SAMD9: variants seen among roughly 807,000 people sequenced by gnomAD.
The protein encoded by SAMD9 is sterile alpha motif domain containing 9.
Under a neutral mutation model 1.5 loss-of-function variants are expected in SAMD9, and 3 were observed. The observed-to-expected ratio is 2.05, with a 90% confidence interval of 0.93 to 5.29. The LOEUF (loss-of-function observed/expected upper bound fraction) is 5.29, where lower values mean the gene tolerates loss of function less well. SAMD9 is among the 30% of genes most tolerant of loss of function. The pLI is 0.02. For synonymous variants in SAMD9, 635 were observed against 631.9 expected (o/e 1.00, Z -0.07); for missense variants, 1,597 against 1,820.8 (o/e 0.88, Z 2.24).
At chr7:93,111,580 A>T (rs1791744826) in intron 2 of SAMD9, among the ~76,000 whole-genome samples, 1 of 152,228 alleles carries the variant, frequency 6.6e-6, no homozygotes, top group African/African-American at 2.4e-5. Flanking sequence ...TAAAGAAGAA[A>T]AGAGAGAAGA....
At position 93,100,350 on chromosome 7, in the gene SAMD9, G is replaced by A. The variant is rs967175727; in HGVS notation, c.*978C>T. 1 of 152,120 alleles carries A rather than the reference G, an allele frequency of 6.6e-6. No homozygotes were observed. Among genetic ancestry groups the A allele is most frequent in the Admixed American group, 6.6e-5 (1 of 15,260 alleles). 9.4% of individuals were successfully genotyped at this position (152,120 alleles called of 1,614,324 possible). On this transcript the variant is annotated 3_prime_UTR_variant, in exon 3 of 3. Coordinates refer to ENST00000379958, the MANE Select transcript of SAMD9 (RefSeq NM_017654.4). ...CCTATAGTACTTCCAGGCCCATAAT[G>A]TCTGGTCTTCCTCTGTGATGTTAAT...
intron 2 of SAMD9, among the ~76,000 whole-genome samples, chr7:93,113,033 A>T (rs1387951267): frequency 6.6e-6 from 1 of 152,206 alleles, no homozygotes; most frequent in African/African-American, 2.4e-5. Context: ...TGGAGGCATC[A>T]TGCTACCTGA....
At position 93,105,292 on chromosome 7, in the gene SAMD9, T is replaced by C. The variant is rs1383324395; in HGVS notation, c.806A>G (p.Asn269Ser). The C allele has an allele frequency of 1.2e-6, 2 of 1,613,872 alleles. No individual in the cohort carries two copies. Among genetic ancestry groups the C allele is most frequent in the Non-Finnish European group, 1.7e-6 (2 of 1,179,950 alleles). The change falls in exon 3 of 3, where the codon AAC becomes AGC. Residue 269 changes from asparagine (N) to serine (S), a missense_variant. By Grantham distance (46) the Asn-to-Ser change is conservative. Around this residue, in one of 6 missense-constraint regions of SAMD9, gnomAD observed 498 missense variants for 457.4 expected, o/e 1.09. Coordinates refer to ENST00000379958, the MANE Select transcript of SAMD9 (RefSeq NM_017654.4). ...GACTTGATGGTCTTCAAAATACTTGTTTATCATCAGATTGAAATGGTTAAT... is the reference window on the plus strand; with the variant it reads ...GACTTGATGGTCTTCAAAATACTTGCTTATCATCAGATTGAAATGGTTAAT... ...ALINHFNLMI[N>S]KYFEDHQVQQ...
rs149043237 is a variant in SAMD9 at position 93,101,581 on chromosome 7, G to C, written c.4517C>G (p.Pro1506Arg). The C allele has an allele frequency of 3.1e-6, 5 of 1,613,764 alleles. No homozygotes were observed. Among genetic ancestry groups the C allele is most frequent in the Middle Eastern group, 1.6e-4 (1 of 6,062 alleles). The change falls in exon 3 of 3, where the codon CCA becomes CGA. Residue 1506 changes from proline to arginine, a missense_variant. Pro to Arg is a moderately radical substitution (Grantham distance 103, BLOSUM62 -2). Transcript: ENST00000379958. Reference protein sequence around the residue: ...GKIDQCFKKTPDINSLWQSGD... With the variant: ...GKIDQCFKKTRDINSLWQSGD... ...ACTCTGCCACAAGGAATTAATATCT[G>C]GTGTCTTCTTAAAGCACTGGTCAAT... is the stretch of plus-strand genomic sequence containing the variant.
At position 93,105,575 on chromosome 7, in the gene SAMD9, A is replaced by G. The variant is rs1184456364; in HGVS notation, c.523T>C (p.Tyr175His). 6.2e-7 allele frequency: 1 copy of G among 1,614,126 alleles called. No homozygotes were observed. The highest frequency in any genetic ancestry group is 2.2e-5 in the East Asian group (1 of 44,858). ...PFDEFSNPYR[Y>H]KLDFSLQPET... is the part of the protein sequence containing the mutation. ...GGCTGTAGACTAAAATCCAACTTGT[A>G]ACGATATGGATTACTGAATTCATCA... is the stretch of plus-strand genomic sequence containing the variant. The change falls in exon 3 of 3, where the codon TAC becomes CAC. Residue 175 changes from tyrosine (Y) to histidine (H), a missense_variant. This residue lies in a region of SAMD9 where 498 missense variants were observed against 457.4 expected (regional missense o/e 1.09). Transcript: ENST00000379958.
In SAMD9 at chr7:93,101,876, C is replaced by A. The variant is rs1421477770; in HGVS notation, c.4222G>T (p.Val1408Phe). 2 of 1,613,812 alleles carry A rather than the reference C, an allele frequency of 1.2e-6. No individual in the cohort carries two copies. The highest frequency in any genetic ancestry group is 1.7e-5 in the Admixed American group (1 of 60,004). The stretch of plus-strand genomic sequence containing the variant: ...CGAAGCTGATCTTTTAGTTTTTCAA[C>A]TGGCTTTACTAATCTGGAGGTAGGT... ...IQPTSRLVKP[V>F]EKLKDQLREV... Residue 1408 changes from valine (V) to phenylalanine (F), a missense_variant, in exon 3 of 3, where the codon GTT (valine) becomes TTT (phenylalanine). Physicochemically the swap from Val to Phe is conservative, Grantham distance 50. Around this residue, in one of 6 missense-constraint regions of SAMD9, gnomAD observed 682 missense variants for 810.0 expected, o/e 0.84. Transcript: ENST00000379958.
Position 93,104,631 on chromosome 7 carries a change from G to T in SAMD9, c.1467C>A (p.Pro489=), listed in dbSNP as rs1486089813. ...TISTLNLYHQ[P]SWIFCNGRLD... ...ACCTGCCATTGCAGAAAATCCAGCT[G>T]GGTTGATGGTAAAGATTTAGAGTAG... is the stretch of plus-strand genomic sequence containing the variant. Residue 489 remains proline (P), a synonymous_variant, in exon 3 of 3, where the codon CCC becomes CCA. Coordinates refer to ENST00000379958, the MANE Select transcript of SAMD9 (RefSeq NM_017654.4). 6.2e-7 allele frequency: 1 copy of T among 1,613,998 alleles called. No homozygotes were observed. The highest frequency in any genetic ancestry group is 2.2e-5 in the East Asian group (1 of 44,872).
Position 93,101,246 on chromosome 7 carries a change from G to C in SAMD9, c.*82C>G, listed in dbSNP as rs1010185190. The C allele has an allele frequency of 9.5e-7, 1 of 1,055,288 alleles. No homozygotes were observed. Among genetic ancestry groups the C allele is most frequent in the Non-Finnish European group, 1.5e-6 (1 of 682,568 alleles). The allele number at this position is 1,055,288 out of a possible 1,614,324, so 65.4% of individuals were successfully genotyped here. A position where few individuals can be genotyped will look rare whatever the true frequency, so the allele number is the denominator to read the frequency against. On this transcript the variant is annotated 3_prime_UTR_variant, in exon 3 of 3. Coordinates refer to ENST00000379958, the MANE Select transcript of SAMD9 (RefSeq NM_017654.4). The stretch of plus-strand genomic sequence containing the variant: ...AGCTAGAGGCTGTATCTATAACCTT[G>C]CCGGTTTAAAGCATAGATCTTGAGT...
At position 93,101,173 on chromosome 7, in the gene SAMD9, C is replaced by T; in HGVS notation, c.*155G>A. 2.9e-6 allele frequency: 2 copies of T among 694,826 alleles called. No homozygotes were observed. Among genetic ancestry groups the T allele is most frequent in the East Asian group, 5.0e-5 (2 of 40,290 alleles). 43.0% of individuals were successfully genotyped at this position (694,826 alleles called of 1,614,324 possible). On this transcript the variant is annotated 3_prime_UTR_variant, in exon 3 of 3. Transcript: ENST00000379958. Reference sequence around the variant, plus strand: ...TTTTCACTATTGTCTTTGTAGAACTCATAACATGTTTAAGAGGAAATTAAA... The same window carrying T: ...TTTTCACTATTGTCTTTGTAGAACTTATAACATGTTTAAGAGGAAATTAAA...
chr7:93,112,071 A>G (rs975937725), intron 2 of SAMD9, among the ~76,000 whole-genome samples: 2 of 152,208 alleles, frequency 1.3e-5, no homozygotes, highest in Non-Finnish European at 2.9e-5. Context: ...ATATTGGCAA[A>G]CCGAATCCAG....
At chr7:93,113,489 A>G (rs1162054362) in intron 2 of SAMD9, among the ~76,000 whole-genome samples, 1 of 152,244 alleles carries the variant, frequency 6.6e-6, no homozygotes, top group Non-Finnish European at 1.5e-5. Context: ...TGCACAGCAA[A>G]AGAAACTATC....
Position 93,104,640 on chromosome 7 carries a change from G to C in SAMD9, c.1458C>G (p.Tyr486Ter). The change falls in exon 3 of 3, where the codon TAC (tyrosine) becomes TAG (stop). Residue 486 changes from tyrosine (Y) to a stop codon, truncating the protein, a stop_gained. Transcript: ENST00000379958. LOFTEE classifies it low-confidence loss of function (END_TRUNC). ...TGCAGAAAATCCAGCTGGGTTGATG[G>C]TAAAGATTTAGAGTAGAAATCGTCT... Reference protein sequence around the residue: ...PNETISTLNLYHQPSWIFCNG... With the variant: ...PNETISTLNL 1 of 1,614,068 alleles carries C rather than the reference G, an allele frequency of 6.2e-7. No individual in the cohort carries two copies. Among genetic ancestry groups the C allele is most frequent in the Non-Finnish European group, 8.5e-7 (1 of 1,179,934 alleles).
At position 93,104,561 on chromosome 7, in the gene SAMD9, A is replaced by G. The variant is rs1270749216; in HGVS notation, c.1537T>C (p.Trp513Arg). The part of the protein sequence containing the change: ...EKYKPFDPSS[W>R]QRERASDVRK... ...ACATCAGAAGCTCTTTCTCTTTGCCAGGAACTTGGATCAAAGGGTTTATAT... is the reference window on the plus strand; with the variant it reads ...ACATCAGAAGCTCTTTCTCTTTGCCGGGAACTTGGATCAAAGGGTTTATAT... Residue 513 changes from tryptophan to arginine, a missense_variant, in exon 3 of 3, where the codon TGG becomes CGG. By Grantham distance (101) the Trp-to-Arg change is moderately radical. This residue lies in a region of SAMD9 where 358 missense variants were observed against 460.4 expected (regional missense o/e 0.78). Coordinates refer to ENST00000379958, the MANE Select transcript of SAMD9 (RefSeq NM_017654.4). 2 of 1,613,946 alleles carry G rather than the reference A, an allele frequency of 1.2e-6. No homozygotes were observed. Among genetic ancestry groups the G allele is most frequent in the South Asian group, 1.1e-5 (1 of 91,090 alleles).
chr7:93,102,276 G>A lies in SAMD9; in HGVS notation c.3822C>T (p.Tyr1274=), dbSNP rs768168544. ...LKKSFDFFDE[Y]FVLLKPRNNI... ...TGTTCCTGGGTTTTAGCAGGACAAA[G>A]TATTCATCAAAAAAATCAAAGGACT... The change falls in exon 3 of 3, where the codon TAC becomes TAT. Residue 1274 remains tyrosine, a synonymous_variant. Coordinates refer to ENST00000379958, the MANE Select transcript of SAMD9 (RefSeq NM_017654.4). The A allele has an allele frequency of 3.1e-6, 5 of 1,612,606 alleles. No homozygotes were observed. The South Asian group carries it at 4.4e-5, about 14-fold the overall frequency.
At chr7:93,115,504 G>C (rs1562780096) in intron 1 of SAMD9, among the ~76,000 whole-genome samples, 1 of 152,170 alleles carries the variant, frequency 6.6e-6, no homozygotes, top group African/African-American at 2.4e-5. Flanking sequence ...AAAGTAATCT[G>C]TCATAGAAGT....
Position 93,101,369 on chromosome 7 carries a change from A to G in SAMD9, c.4729T>C (p.Ser1577Pro), listed in dbSNP as rs373623328. Residue 1577 changes from serine to proline, a missense_variant, in exon 3 of 3, where the codon TCC becomes CCC. Ser to Pro is a moderately conservative substitution (Grantham distance 74, BLOSUM62 -1). Transcript: ENST00000379958. Reference sequence around the variant, plus strand: ...TCATAAGCAAGTGGGCCTCCAATGGAAAATCCCAGGTAAAAAGACACCTTC... The same window carrying G: ...TCATAAGCAAGTGGGCCTCCAATGGGAAATCCCAGGTAAAAAGACACCTTC... ...IEKVSFYLGF[S>P]IGGPLAYDIE... 16 of 1,613,514 alleles carry G rather than the reference A, an allele frequency of 9.9e-6. No homozygotes were observed. The African/African-American group carries it at 1.7e-4, about 17-fold the overall frequency.
At position 93,102,429 on chromosome 7, in the gene SAMD9, T is replaced by C. The variant is rs750601041; in HGVS notation, c.3669A>G (p.Leu1223=). The C allele has an allele frequency of 3.7e-6, 6 of 1,613,222 alleles. No homozygotes were observed. Among genetic ancestry groups the C allele is most frequent in the South Asian group, 3.3e-5 (3 of 91,068 alleles). The stretch of plus-strand genomic sequence containing the variant: ...CAAAATTGACCATATATCTTTTAGA[T>C]AGCTCATTTTTATTATCAAAAAAAG... The part of the protein sequence containing the change: ...LIPFFDNKNE[L]SKRYMVNFVS... Residue 1223 remains leucine (L), a synonymous_variant, in exon 3 of 3, where the codon CTA becomes CTG. Transcript: ENST00000379958.
Position 93,105,531 on chromosome 7 carries a change from A to G in SAMD9, c.567T>C (p.Asn189=), listed in dbSNP as rs1392186981. The change falls in exon 3 of 3, where the codon AAT becomes AAC. Residue 189 remains asparagine, a synonymous_variant. Coordinates refer to ENST00000379958, the MANE Select transcript of SAMD9 (RefSeq NM_017654.4). Reference sequence around the variant, plus strand: ...TGAATTCATGTATCGGATCAATGAGATTGCCTGGTCCTGTTTCAGGCTGTA... The same window carrying G: ...TGAATTCATGTATCGGATCAATGAGGTTGCCTGGTCCTGTTTCAGGCTGTA... ...FSLQPETGPG[N]LIDPIHEFKA... 2 of 1,614,066 alleles carry G rather than the reference A, an allele frequency of 1.2e-6. No homozygotes were observed. The highest frequency in any genetic ancestry group is 1.7e-6 in the Non-Finnish European group (2 of 1,179,986).
At position 93,102,191 on chromosome 7, in the gene SAMD9, A is replaced by G. The variant is rs1207677487; in HGVS notation, c.3907T>C (p.Tyr1303His). ...TCTAAGAGACAAAATATATCTACAT[A>G]TTTCTTAAAATATCCAGCCACCTTT... ...RRKVAGYFKK[Y>H]VDIFCLLEES... Residue 1303 changes from tyrosine (Y) to histidine (H), a missense_variant, in exon 3 of 3, where the codon TAT (tyrosine) becomes CAT (histidine). This residue lies in a region of SAMD9 where 682 missense variants were observed against 810.0 expected (regional missense o/e 0.84). Transcript: ENST00000379958. 2 of 1,613,446 alleles carry G rather than the reference A, an allele frequency of 1.2e-6. No homozygotes were observed. Among genetic ancestry groups the G allele is most frequent in the East Asian group, 2.2e-5 (1 of 44,852 alleles).
Sources: allele counts gnomAD v4.1 joint callset (sites outside exome capture counted in the v4.1 genomes callset), GRCh38; gene constraint gnomAD v4.1.1; regional missense constraint gnomAD v4.1.1; transcripts MANE v1.5; gene names NCBI Gene and HGNC (gene_info 2026-07-23, HGNC 2026-07-21).